Variants in ANKRD11 observed in about 807,000 individuals in gnomAD.
ANKRD11 encodes the protein ankyrin repeat domain 11.
ANKRD11 carries 17 observed loss-of-function variants against 195.7 expected under a neutral mutation model. The observed-to-expected ratio is 0.09, with a 90% CI of 0.06 to 0.13. The LOEUF is 0.13. ANKRD11 is among the 10% of genes least tolerant of loss of function. The pLI, the probability that ANKRD11 is intolerant of heterozygous loss-of-function variation, is 1.00. For synonymous variants in ANKRD11, 1,953 were observed against 1,528.1 expected (o/e 1.28, Z -6.49); for missense variants, 3,735 against 3,566.1 (o/e 1.05, Z -1.21).
At chr16:89,342,529 G>T (rs578021476) in intron 2 of ANKRD11, among the ~76,000 whole-genome samples, 37 of 152,348 alleles carry the variant, frequency 2.4e-4, no homozygotes, top group African/African-American at 8.4e-4. Context: ...TGCGGCCTGC[G>T]TGGCTCTCTC....
intron 2 of ANKRD11, among the ~76,000 whole-genome samples, chr16:89,390,088 C>CCG (rs1471228957): frequency 2.0e-5 from 1 of 50,450 alleles, no homozygotes. Flanking sequence ...GCGGGGAGCA[C>CCG]AGACAGAGAA....
chr16:89,449,348 G>T (rs2043956495), intron 1 of ANKRD11, among the ~76,000 whole-genome samples: 1 of 152,090 alleles, frequency 6.6e-6, no homozygotes, highest in African/African-American at 2.4e-5. Flanking sequence ...CTGGGTGACA[G>T]AATGAGACCC....
chr16:89,439,514 T>TA (rs917891108), intron 1 of ANKRD11, among the ~76,000 whole-genome samples: 1 of 152,150 alleles, frequency 6.6e-6, no homozygotes, highest in Admixed American at 6.5e-5. Context: ...GTTCTCCATG[T>TA]AAAACAGTGA....
chr16:89,295,165 C>T (rs1397745735), intron 4 of ANKRD11, among the ~76,000 whole-genome samples: 1 of 152,248 alleles, frequency 6.6e-6, no homozygotes. Context: ...AGCCACTCCA[C>T]AGCACTCAGA....
In ANKRD11 at chr16:89,282,424, T is replaced by C. The variant is rs373735755; in HGVS notation, c.4118A>G (p.Lys1373Arg). 15 of 1,614,064 alleles carry C rather than the reference T, an allele frequency of 9.3e-6. No homozygotes were observed. The highest frequency in any genetic ancestry group is 1.3e-5 in the Non-Finnish European group (15 of 1,180,024). Residue 1373 changes from lysine to arginine, a missense_variant, in exon 9 of 13, where the codon AAG becomes AGG. Lys to Arg is a conservative substitution (Grantham distance 26). Transcript: ENST00000301030. ...CTTGTAATCTTCGCCCTTCTCTTTC[T>C]TCTCGGCCTTCTCTTTCTTGGCTCG... Reference protein sequence around the residue: ...RERAKKEKAEKKEKGEDYKEG... With the variant: ...RERAKKEKAERKEKGEDYKEG...
At chr16:89,410,593 G>A (rs1427349194) in intron 2 of ANKRD11, among the ~76,000 whole-genome samples, 1 of 152,178 alleles carries the variant, frequency 6.6e-6, no homozygotes, top group Non-Finnish European at 1.5e-5. Context: ...CCAGACACAA[G>A]CAGGTCCCTA....
chr16:89,443,368 T>C (rs2043618773), intron 1 of ANKRD11: 1 of 151,952 alleles, frequency 6.6e-6, no homozygotes, highest in South Asian at 2.1e-4. Context: ...ACAGAGACGA[T>C]TACCATAGCC....
intron 1 of ANKRD11, among the ~76,000 whole-genome samples, chr16:89,425,469 A>G (rs889477254): frequency 2.6e-5 from 4 of 152,216 alleles, no homozygotes; most frequent in Admixed American, 6.5e-5. Flanking sequence ...TTTAGTTCTC[A>G]ATCAAAAAAA....
At chr16:89,340,534 C>T (rs2038606692) in intron 2 of ANKRD11, among the ~76,000 whole-genome samples, 2 of 152,204 alleles carry the variant, frequency 1.3e-5, no homozygotes, top group Admixed American at 1.3e-4. Flanking sequence ...CTCGGCCTCC[C>T]AAAGTGCTGG....
chr16:89,314,957 C>T (rs1188760741), intron 3 of ANKRD11, among the ~76,000 whole-genome samples: 1 of 152,166 alleles, frequency 6.6e-6, no homozygotes, highest in Non-Finnish European at 1.5e-5. Context: ...GGGCACAACC[C>T]AAATCTCTTT....
intron 7 of ANKRD11, chr16:89,287,542 G>C (rs2034731536): frequency 1.6e-5 from 3 of 182,040 alleles, no homozygotes; most frequent in African/African-American, 2.4e-5. Flanking sequence ...CCTCACACCT[G>C]CCCTCCCCTG....
rs140557993 is a variant in ANKRD11 at position 89,351,487 on chromosome 16, T to C, written c.-59-34409A>G. ...CACCAAATAACTGATTCTCATTTCA[T>C]AAATATACGTATTCAAAGAGGATCC... On this transcript the variant is annotated intron_variant, in intron 2 of 12. Transcript: ENST00000301030. Among the ~76,000 whole-genome samples, 365 of 152,314 alleles carry C rather than the reference T, an allele frequency of 2.4e-3. 2 individuals are homozygous for C. Among genetic ancestry groups the C allele is most frequent in the Non-Finnish European group, 4.2e-3 (285 of 68,028 alleles).
intron 6 of ANKRD11, among the ~76,000 whole-genome samples, chr16:89,289,247 C>A (rs533806357): frequency 6.6e-6 from 1 of 151,956 alleles, no homozygotes; most frequent in African/African-American, 2.4e-5. Flanking sequence ...CGGAAGCACA[C>A]GGCACTGCTC....
intron 2 of ANKRD11, among the ~76,000 whole-genome samples, chr16:89,370,923 C>T (rs967637762): frequency 1.3e-4 from 20 of 152,110 alleles, no homozygotes; most frequent in African/African-American, 3.9e-4. Flanking sequence ...ACCCTGCAGG[C>T]GCCACGAGAC....
At position 89,280,496 on chromosome 16, in the gene ANKRD11, G is replaced by A. The variant is rs1449729767; in HGVS notation, c.6046C>T (p.Pro2016Ser). The change falls in exon 9 of 13, where the codon CCC becomes TCC. Residue 2016 changes from proline (P) to serine (S), a missense_variant. Pro to Ser is a moderately conservative substitution (Grantham distance 74). Transcript: ENST00000301030. ...GPFSASEAPY[P>S]APPASPAPYA... ...GGGGCAGGAGAGGCGGGAGGGGCGG[G>A]GTACGGCGCCTCCGAGGCGCTGAAG... 6 of 1,593,644 alleles carry A rather than the reference G, an allele frequency of 3.8e-6. No individual in the cohort carries two copies. The highest frequency in any genetic ancestry group is 2.7e-5 in the African/African-American group (2 of 74,480).
intron 2 of ANKRD11, among the ~76,000 whole-genome samples, chr16:89,374,983 C>T (rs1352272810): frequency 6.6e-6 from 1 of 152,052 alleles, no homozygotes; most frequent in African/African-American, 2.4e-5. Context: ...AGATATTAGT[C>T]TATCATTTCC....
At chr16:89,323,356 G>A (rs1279403468) in intron 2 of ANKRD11, 1 of 1,288,102 alleles carries the variant, frequency 7.8e-7, no homozygotes. Flanking sequence ...AGCACCACTG[G>A]CCTCTCACCT....
At chr16:89,277,196 G>A (rs2033731634) in intron 9 of ANKRD11, among the ~76,000 whole-genome samples, 1 of 152,222 alleles carries the variant, frequency 6.6e-6, no homozygotes, top group African/African-American at 2.4e-5. Context: ...CCCGTCGGTG[G>A]CAGGGATTCT....
At chr16:89,426,841 A>G (rs1189369649) in intron 1 of ANKRD11, among the ~76,000 whole-genome samples, 1 of 152,220 alleles carries the variant, frequency 6.6e-6, no homozygotes, top group African/African-American at 2.4e-5. Context: ...GTTTCACTTC[A>G]GTGTGAAGCT....
Sources: allele counts gnomAD v4.1 joint callset (sites outside exome capture counted in the v4.1 genomes callset), GRCh38; gene constraint gnomAD v4.1.1; transcripts MANE v1.5; gene names NCBI Gene and HGNC (gene_info 2026-07-23, HGNC 2026-07-21).